The following GRM1 variants were observed in gnomAD, a reference collection of about 807,000 sequenced individuals.
The protein encoded by GRM1 is glutamate metabotropic receptor 1.
In GRM1, 33 loss-of-function variants were observed where a neutral mutation model predicts 90.9. The ratio of observed to expected loss-of-function variants is 0.36; its 90% CI spans 0.28 to 0.49. The LOEUF is 0.49. Among genes scored for constraint, GRM1 ranks in the 20% least tolerant of loss-of-function variants. GRM1 has a pLI of 0.99. For missense variants in GRM1, 1,190 were observed against 1,534.3 expected (o/e 0.78, Z 3.75); for synonymous variants, 700 against 613.2 (o/e 1.14, Z -2.09).
chr6:146,235,420 C>T (rs1055956473), intron 2 of GRM1, among the ~76,000 whole-genome samples: 1 of 151,950 alleles, frequency 6.6e-6, no homozygotes, highest in African/African-American at 2.4e-5. Flanking sequence ...TGTTGTTAGT[C>T]TCTGAGCTTA....
intron 2 of GRM1, chr6:146,171,751 C>G: frequency 3.5e-6 from 1 of 288,110 alleles, no homozygotes; most frequent in South Asian, 4.8e-5. Context: ...CTACTAAGGT[C>G]AAGAGCAAAG....
At chr6:146,123,087 G>A (rs1215803518) in intron 1 of GRM1, among the ~76,000 whole-genome samples, 1 of 151,478 alleles carries the variant, frequency 6.6e-6, no homozygotes, top group African/African-American at 2.4e-5. Context: ...TCGTGATCTG[G>A]CCACCTCGGC....
At chr6:146,312,318 G>A (rs1783801031) in intron 3 of GRM1, among the ~76,000 whole-genome samples, 1 of 122,694 alleles carries the variant, frequency 8.2e-6, no homozygotes, top group African/African-American at 3.1e-5. Flanking sequence ...TCCGGCCTGG[G>A]TGAAAGAGCC....
In GRM1 at chr6:146,140,093, CTT is replaced by C. The variant is rs1408245858; in HGVS notation, c.701-19253_701-19252del. 4.5e-5 allele frequency among the ~76,000 whole-genome samples: 3 copies of C among 65,936 alleles called. No homozygotes were observed. In the East Asian group the frequency reaches 1.2e-3, roughly 26 times the overall value. The allele number at this position is 65,936 out of a possible 152,430, so 43.3% of individuals were successfully genotyped here. On this transcript the variant is annotated intron_variant, in intron 1 of 7. Transcript: ENST00000282753. The stretch of plus-strand genomic sequence containing the variant: ...TTCTTTTCTCCTTTCTTTCTTTATT[CTT>C]TCTTTCTTTCTTTCTTTCTTTCTTT...
At chr6:146,032,511 G>A (rs1483760435) in intron 1 of GRM1, among the ~76,000 whole-genome samples, 2 of 152,052 alleles carry the variant, frequency 1.3e-5, no homozygotes, top group African/African-American at 4.8e-5. Flanking sequence ...GCCCCATAGT[G>A]TACTGGCCTA....
At chr6:146,336,350 TAAGTA>T (rs1784771539) in intron 3 of GRM1, among the ~76,000 whole-genome samples, 1 of 152,114 alleles carries the variant, frequency 6.6e-6, no homozygotes, top group South Asian at 2.1e-4. Flanking sequence ...GGGAGTAAGT[TAAGTA>T]ATGTCTCAGC....
chr6:146,323,410 A>G (rs1197069113), intron 3 of GRM1, among the ~76,000 whole-genome samples: 1 of 152,074 alleles, frequency 6.6e-6, no homozygotes, highest in East Asian at 1.9e-4. Context: ...GTCTGTTCAT[A>G]TCCTTCGCCC....
At chr6:146,033,902 A>G (rs1790793712) in intron 1 of GRM1, among the ~76,000 whole-genome samples, 1 of 152,078 alleles carries the variant, frequency 6.6e-6, no homozygotes, top group Non-Finnish European at 1.5e-5. Context: ...TCTACTAAAT[A>G]TCATATTTCC....
At chr6:146,062,508 A>G (rs1414417871) in intron 1 of GRM1, among the ~76,000 whole-genome samples, 1 of 151,618 alleles carries the variant, frequency 6.6e-6, no homozygotes, top group Non-Finnish European at 1.5e-5. Context: ...AATAAAATAA[A>G]ATAAAATAAA....
At chr6:146,061,417 T>C (rs1775664664) in intron 1 of GRM1, among the ~76,000 whole-genome samples, 1 of 152,084 alleles carries the variant, frequency 6.6e-6, no homozygotes, top group African/African-American at 2.4e-5. Context: ...AGATATTGCA[T>C]TTTGAATGCC....
chr6:146,339,123 A>G (rs1274002922), intron 3 of GRM1, among the ~76,000 whole-genome samples: 1 of 152,242 alleles, frequency 6.6e-6, no homozygotes, highest in Non-Finnish European at 1.5e-5. Context: ...CTGTGGTATT[A>G]AATTCTTGTT....
chr6:146,040,936 C>CT (rs747073788), intron 1 of GRM1, among the ~76,000 whole-genome samples: 39 of 151,030 alleles, frequency 2.6e-4, no homozygotes, highest in Admixed American at 5.3e-4. Flanking sequence ...TATTCCTTTT[C>CT]TTTTTTTTTC....
intron 5 of GRM1, among the ~76,000 whole-genome samples, chr6:146,368,696 T>C (rs148208673): frequency 6.6e-6 from 1 of 152,042 alleles, no homozygotes; most frequent in Non-Finnish European, 1.5e-5. Context: ...CTGAGATAAA[T>C]CCCAATGGAT....
At chr6:146,128,590 C>A (rs1250202909) in intron 1 of GRM1, among the ~76,000 whole-genome samples, 1 of 152,102 alleles carries the variant, frequency 6.6e-6, no homozygotes, top group Non-Finnish European at 1.5e-5. Flanking sequence ...AGAACATATA[C>A]ATAAAAATGC....
intron 1 of GRM1, among the ~76,000 whole-genome samples, chr6:146,046,914 G>A (rs2128845460): frequency 6.6e-6 from 1 of 152,028 alleles, no homozygotes; most frequent in African/African-American, 2.4e-5. Flanking sequence ...TAGGGATATT[G>A]GGTAGGTATT....
chr6:146,396,927 G>T (rs905385054), intron 6 of GRM1, among the ~76,000 whole-genome samples: 2 of 152,118 alleles, frequency 1.3e-5, no homozygotes, highest in Non-Finnish European at 2.9e-5. Context: ...AGACCTACAT[G>T]ATTACAAATC....
At chr6:146,219,529 T>C (rs570856651) in intron 2 of GRM1, among the ~76,000 whole-genome samples, 2 of 151,986 alleles carry the variant, frequency 1.3e-5, no homozygotes, top group East Asian at 3.9e-4. Context: ...AGTTAATGGA[T>C]GTCAACCAGC....
At chr6:146,158,960 C>T (rs1396849018) in intron 1 of GRM1, among the ~76,000 whole-genome samples, 1 of 152,174 alleles carries the variant, frequency 6.6e-6, no homozygotes, top group African/African-American at 2.4e-5. Context: ...CCAGCTGATG[C>T]AAGTCCTCAA....
intron 2 of GRM1, among the ~76,000 whole-genome samples, chr6:146,241,805 T>G (rs1376681808): frequency 1.3e-5 from 2 of 152,166 alleles, no homozygotes; most frequent in African/African-American, 2.4e-5. Flanking sequence ...TATAGAGATT[T>G]TATATAGTGG....
Sources: gnomAD v4.1 joint callset for allele counts (sites outside exome capture counted in the v4.1 genomes callset) on GRCh38, gnomAD v4.1.1 for gene constraint, MANE v1.5 for transcripts, NCBI Gene and HGNC (gene_info 2026-07-23, HGNC 2026-07-21) for gene names.